VPS13A: variants seen among roughly 807,000 people sequenced by gnomAD.
VPS13A encodes the protein intermembrane lipid transfer protein VPS13A.
In VPS13A, 264 loss-of-function variants were observed where a neutral mutation model predicts 390.9. That is an observed-to-expected ratio of 0.68 (90% CI 0.61 to 0.75). The LOEUF is 0.75. VPS13A is among the 30% of genes least tolerant of loss of function. VPS13A has a pLI of 0.00. For missense variants in VPS13A, 3,409 were observed against 3,733.9 expected, an observed-to-expected ratio of 0.91 and a Z score of 2.27; for synonymous variants, 1,231 against 1,227.1, an observed-to-expected ratio of 1.00 and a Z score of -0.07.
chr9:77,241,024 T>C (rs1324557691), intron 19 of VPS13A, among the ~76,000 whole-genome samples: 3 of 152,178 alleles, frequency 2.0e-5, no homozygotes, highest in Admixed American at 2.0e-4. Flanking sequence ...TATATATCCT[T>C]TTTGGGATTC....
Position 77,337,360 on chromosome 9 carries a change from T to G in VPS13A, c.6201T>G (p.Cys2067Trp). ...KNDGALLKKKCRSKNPSKESF... is the reference protein window; with the variant it reads ...KNDGALLKKKWRSKNPSKESF... The stretch of plus-strand genomic sequence containing the variant: ...ATGGTGCTCTTCTAAAGAAGAAATG[T>G]AGATCTAAAAACCCTTCTAAGGAAT... The change falls in exon 47 of 72, where the codon TGT (cysteine) becomes TGG (tryptophan). Residue 2067 changes from cysteine (C) to tryptophan (W), a missense_variant. Physicochemically the swap from Cys to Trp is radical, Grantham distance 215 (BLOSUM62 -2). Transcript: ENST00000360280. The G allele has an allele frequency of 6.2e-7, 1 of 1,612,876 alleles. No individual in the cohort carries two copies. Among genetic ancestry groups the G allele is most frequent in the Non-Finnish European group, 8.5e-7 (1 of 1,179,080 alleles).
At chr9:77,342,971 G>A (rs1489778434) in intron 50 of VPS13A, among the ~76,000 whole-genome samples, 1 of 152,220 alleles carries the variant, frequency 6.6e-6, no homozygotes, top group African/African-American at 2.4e-5. Context: ...AAGCGGAGGA[G>A]CTAGGAATGG....
chr9:77,213,290 T>C lies in VPS13A; in HGVS notation c.672T>C (p.Tyr224=). ...GGAATGTGAAGTCTCAGATGTTTTA[T>C]CTTAGTGATTATGATAACTCCTTGG... ...AYWNVKSQMF[Y]LSDYDNSLDD... The change falls in exon 9 of 72, where the codon TAT becomes TAC. Residue 224 remains tyrosine, a synonymous_variant. Coordinates refer to ENST00000360280, the MANE Select transcript of VPS13A (RefSeq NM_033305.3). The C allele has an allele frequency of 6.2e-7, 1 of 1,613,700 alleles. No homozygotes were observed. Among genetic ancestry groups the C allele is most frequent in the Non-Finnish European group, 8.5e-7 (1 of 1,179,800 alleles).
At chr9:77,224,269 G>C (rs1823384121) in intron 13 of VPS13A, among the ~76,000 whole-genome samples, 1 of 152,152 alleles carries the variant, frequency 6.6e-6, no homozygotes, top group Non-Finnish European at 1.5e-5. Context: ...GGATTGAAGA[G>C]TAATTTTAAC....
intron 46 of VPS13A, 59 bp from the exon 47 acceptor site, chr9:77,337,196 T>C: frequency 1.4e-6 from 2 of 1,471,744 alleles, no homozygotes; most frequent in South Asian, 1.2e-5. Flanking sequence ...GCTGTAATTA[T>C]ATAGTTTAAT....
intron 68 of VPS13A, among the ~76,000 whole-genome samples, chr9:77,397,335 G>C (rs955351579): frequency 6.6e-6 from 1 of 151,742 alleles, no homozygotes; most frequent in African/African-American, 2.4e-5. Context: ...TTTTTTAAAC[G>C]TTCATACCTC....
At chr9:77,264,719 A>G (rs547821746) in intron 23 of VPS13A, among the ~76,000 whole-genome samples, 2 of 152,286 alleles carry the variant, frequency 1.3e-5, no homozygotes, top group South Asian at 2.1e-4. Flanking sequence ...GGTTTTCTAA[A>G]TATACAGTCA....
intron 33 of VPS13A, among the ~76,000 whole-genome samples, chr9:77,297,467 A>G (rs1177612137): frequency 3.9e-5 from 6 of 151,986 alleles, no homozygotes. Flanking sequence ...GTAAACTGGG[A>G]CAATCGTAGG....
intron 52 of VPS13A, among the ~76,000 whole-genome samples, chr9:77,346,474 G>A (rs527463495): frequency 1.2e-4 from 19 of 152,202 alleles, no homozygotes; most frequent in Non-Finnish European, 2.4e-4. Flanking sequence ...CATTCTGTGC[G>A]TTGTCTCTTT....
rs36096139 is a variant in VPS13A at position 77,199,768 on chromosome 9, CTG to C, written c.101-175_101-174del. 0.19 allele frequency among the ~76,000 whole-genome samples: 29,509 copies of C among 151,984 alleles called. 3,287 individuals carry two copies. Among genetic ancestry groups the C allele is most frequent in the East Asian group, 0.39 (2,017 of 5,134 alleles). On this transcript the variant is annotated intron_variant, in intron 1 of 71. Transcript: ENST00000360280. ...TAGTGAAGATTTGGTCAAGCATACTCTGTTAGACTATGTAGAAGAATGAAGGT... is the reference window on the plus strand; with the variant it reads ...TAGTGAAGATTTGGTCAAGCATACTCTTAGACTATGTAGAAGAATGAAGGT...
intron 23 of VPS13A, among the ~76,000 whole-genome samples, chr9:77,271,616 C>T (rs1321671314): frequency 6.6e-6 from 1 of 152,052 alleles, no homozygotes; most frequent in African/African-American, 2.4e-5. Flanking sequence ...CAGTAGACTA[C>T]TACTCAGGAA....
At chr9:77,384,691 A>G (rs771723916) in intron 68 of VPS13A, 1 of 1,595,116 alleles carries the variant, frequency 6.3e-7, no homozygotes, top group South Asian at 1.1e-5. Flanking sequence ...TAAAATTCAT[A>G]TGTTCTTTAT....
chr9:77,269,326 C>A (rs117845113), intron 23 of VPS13A, among the ~76,000 whole-genome samples: 76 of 152,218 alleles, frequency 5.0e-4, no homozygotes, highest in Non-Finnish European at 9.0e-4. Flanking sequence ...AAAGACTATT[C>A]TTTTACTATT....
At chr9:77,396,386 G>A (rs942525345) in intron 68 of VPS13A, among the ~76,000 whole-genome samples, 1 of 152,132 alleles carries the variant, frequency 6.6e-6, no homozygotes, top group Non-Finnish European at 1.5e-5. Flanking sequence ...GCATGGGAGA[G>A]GATGAAGTTA....
At chr9:77,182,938 A>T (rs930106429) in intron 1 of VPS13A, among the ~76,000 whole-genome samples, 1 of 152,210 alleles carries the variant, frequency 6.6e-6, no homozygotes, top group Non-Finnish European at 1.5e-5. Flanking sequence ...CAAAAGATGA[A>T]GATTCAGTTA....
chr9:77,339,921 G>GT lies in VPS13A; in HGVS notation c.6774+13dup, dbSNP rs773842619. 38 of 1,606,334 alleles carry GT rather than the reference G, an allele frequency of 2.4e-5. No homozygotes were observed. The highest frequency in any genetic ancestry group is 3.1e-5 in the Non-Finnish European group (37 of 1,179,492). ...TTTTAATAACAATAAGGTATGCGATGTTTATTCTGTTTTTCCCTTGTCTTT... is the reference window on the plus strand; with the variant it reads ...TTTTAATAACAATAAGGTATGCGATGTTTTATTCTGTTTTTCCCTTGTCTTT... On this transcript the variant is annotated intron_variant, in intron 48 of 71. Coordinates refer to ENST00000360280, the MANE Select transcript of VPS13A (RefSeq NM_033305.3).
At chr9:77,325,183 C>T (rs375920587) in intron 45 of VPS13A, among the ~76,000 whole-genome samples, 8 of 152,176 alleles carry the variant, frequency 5.3e-5, no homozygotes, top group Admixed American at 3.3e-4. Flanking sequence ...CCCTTGCATG[C>T]GCAGTTCACG....
At chr9:77,358,259 G>A (rs968081442) in intron 56 of VPS13A, 98 bp from the exon 57 acceptor site, 55 of 1,124,214 alleles carry the variant, frequency 4.9e-5, no homozygotes, top group Middle Eastern at 2.1e-4. Context: ...CTTGGTCACC[G>A]CTAGACTTTT....
intron 63 of VPS13A, 55 bp downstream of exon 63, chr9:77,369,467 T>A: frequency 6.2e-6 from 7 of 1,132,570 alleles, no homozygotes; most frequent in Non-Finnish European, 9.4e-6. Flanking sequence ...TTTGAATAGA[T>A]AATACTTTTC....
Sources: gnomAD v4.1 joint callset for allele counts (sites outside exome capture counted in the v4.1 genomes callset) on GRCh38, gnomAD v4.1.1 for gene constraint, MANE v1.5 for transcripts, NCBI Gene and HGNC (gene_info 2026-07-23, HGNC 2026-07-21) for gene names.